Variants in MERTK observed in about 807,000 individuals in gnomAD.
MERTK encodes the protein tyrosine-protein kinase Mer.
A neutral mutation model predicts 99.3 loss-of-function variants in MERTK; 69 were observed. The ratio of observed to expected loss-of-function variants is 0.70; its 90% CI spans 0.57 to 0.85. The LOEUF is 0.85. Ranked by LOEUF, MERTK falls within the 40% of genes least tolerant of loss-of-function variation. The pLI is 0.00. For missense variants in MERTK, 1,125 were observed against 1,249.4 expected, an observed-to-expected ratio of 0.90 and a Z score of 1.50; for synonymous variants, 426 against 467.6, an observed-to-expected ratio of 0.91 and a Z score of 1.15.
Position 112,021,504 on chromosome 2 carries a change from C to T in MERTK, c.2272C>T (p.Arg758Cys), listed in dbSNP as rs200576584. The T allele has an allele frequency of 5.5e-5, 89 of 1,613,918 alleles. No homozygotes were observed. Among genetic ancestry groups the T allele is most frequent in the Middle Eastern group, 3.3e-4 (2 of 6,052 alleles). The change falls in exon 17 of 19, where the codon CGC becomes TGC. Residue 758 changes from arginine (R) to cysteine (C), a missense_variant. By Grantham distance (180) the Arg-to-Cys change is radical. Transcript: ENST00000295408. ...CAGTGGCGATTATTACCGCCAAGGCCGCATTGCTAAGATGCCTGTTAAATG... is the reference window on the plus strand; with the variant it reads ...CAGTGGCGATTATTACCGCCAAGGCTGCATTGCTAAGATGCCTGTTAAATG... ...IYSGDYYRQG[R>C]IAKMPVKWIA... is the part of the protein sequence containing the mutation.
At chr2:111,922,399 G>T (rs950004625) in intron 1 of MERTK, among the ~76,000 whole-genome samples, 1 of 152,228 alleles carries the variant, frequency 6.6e-6, no homozygotes, top group Non-Finnish European at 1.5e-5. Context: ...ATGCCTTAGA[G>T]CTAAGAGCCC....
At chr2:111,963,776 A>T (rs542438019) in intron 4 of MERTK, among the ~76,000 whole-genome samples, 2 of 151,966 alleles carry the variant, frequency 1.3e-5, no homozygotes, top group Non-Finnish European at 2.9e-5. Flanking sequence ...ACACAGACAC[A>T]GTAACAATCT....
chr2:111,910,166 G>A (rs1432537497), intron 1 of MERTK, among the ~76,000 whole-genome samples: 1 of 152,190 alleles, frequency 6.6e-6, no homozygotes, highest in Non-Finnish European at 1.5e-5. Context: ...TCAGCAGGCT[G>A]AGGTGGGAGG....
intron 6 of MERTK, among the ~76,000 whole-genome samples, chr2:111,974,470 A>G (rs1475198775): frequency 6.6e-6 from 1 of 151,936 alleles, no homozygotes; most frequent in African/African-American, 2.4e-5. Flanking sequence ...TTACATAATA[A>G]AAAGAAAGAT....
chr2:112,029,317 ATAAC>A lies in MERTK; in HGVS notation c.*455_*458del. 1.1e-6 allele frequency: 1 copy of A among 949,486 alleles called. No individual in the cohort carries two copies. The highest frequency in any genetic ancestry group is 1.3e-6 in the Non-Finnish European group (1 of 796,086). The allele number at this position is 949,486 out of a possible 1,614,324, so 58.8% of individuals were successfully genotyped here. On this transcript the variant is annotated 3_prime_UTR_variant, in exon 19 of 19. Coordinates refer to ENST00000295408, the MANE Select transcript of MERTK (RefSeq NM_006343.3). ...TGATTCATTCAATGTTTAAAGTTGTATAACTGATTAATTTTCTGATATGGCTTCC... is the reference window on the plus strand; with the variant it reads ...TGATTCATTCAATGTTTAAAGTTGTATGATTAATTTTCTGATATGGCTTCC...
rs555226370 is a variant in MERTK, at chr2:112,021,296, C to T, written c.2190-126C>T. On this transcript the variant is annotated intron_variant, in intron 16 of 18. Transcript: ENST00000295408. ...CATTGGTCCCAATGCAGCATGCTCA[C>T]AGGCTGGTGGTGTCTCTGTGTTCTT... 25 of 1,380,378 alleles carry T rather than the reference C, an allele frequency of 1.8e-5. No individual in the cohort carries two copies. The Admixed American group carries it at 3.3e-4, about 18-fold the overall frequency. The allele number at this position is 1,380,378 out of a possible 1,614,324, so 85.5% of individuals were successfully genotyped here. A position where few individuals can be genotyped will look rare whatever the true frequency, so the allele number is the denominator to read the frequency against.
intron 4 of MERTK, among the ~76,000 whole-genome samples, chr2:111,958,073 A>G (rs1389787340): frequency 1.3e-5 from 2 of 152,188 alleles, no homozygotes; most frequent in Non-Finnish European, 2.9e-5. Context: ...GTGAACCATC[A>G]TAATGGAGTT....
intron 17 of MERTK, among the ~76,000 whole-genome samples, 198 bp from the exon 18 acceptor site, chr2:112,022,060 C>A (rs957065469): frequency 6.6e-6 from 1 of 152,160 alleles, no homozygotes; most frequent in African/African-American, 2.4e-5. Flanking sequence ...TTTCCCAGAA[C>A]AGCTTTTGTA....
At chr2:111,937,763 G>A (rs1684789574) in intron 2 of MERTK, among the ~76,000 whole-genome samples, 1 of 152,170 alleles carries the variant, frequency 6.6e-6, no homozygotes, top group South Asian at 2.1e-4. Flanking sequence ...TTTCTGACTT[G>A]CGACCTGTTC....
intron 8 of MERTK, among the ~76,000 whole-genome samples, chr2:111,987,520 A>G (rs917505890): frequency 6.6e-6 from 1 of 152,156 alleles, no homozygotes; most frequent in Non-Finnish European, 1.5e-5. Context: ...CTTGCTTTGT[A>G]GGCATTTGTG....
At chr2:111,995,463 T>C (rs1676715556) in intron 9 of MERTK, 1 of 188,422 alleles carries the variant, frequency 5.3e-6, no homozygotes, top group South Asian at 1.4e-4. Flanking sequence ...TTGTACCCAA[T>C]AGCAGACAGA....
intron 4 of MERTK, among the ~76,000 whole-genome samples, chr2:111,948,254 G>A (rs1029786421): frequency 3.9e-5 from 6 of 152,180 alleles, no homozygotes; most frequent in South Asian, 2.1e-4. Context: ...AGGACACAGC[G>A]TGGACTTTTG....
At chr2:111,968,097 T>TTGTG (rs759853912) in intron 5 of MERTK, 40 bp from the exon 6 acceptor site, 16 of 799,950 alleles carry the variant, frequency 2.0e-5, no homozygotes, top group African/African-American at 1.1e-4. Flanking sequence ...ATAATTGTGT[T>TTGTG]TGTGTGTGTA....
chr2:112,022,488 G>C (rs1677373636), intron 18 of MERTK, 94 bp downstream of exon 18: 2 of 1,578,278 alleles, frequency 1.3e-6, no homozygotes, highest in Non-Finnish European at 1.7e-6. Flanking sequence ...GGAGGGGAAA[G>C]GGACTGCTGT....
At chr2:111,899,321 G>C (rs1373587680) in intron 1 of MERTK, among the ~76,000 whole-genome samples, 1 of 150,354 alleles carries the variant, frequency 6.7e-6, no homozygotes, top group Non-Finnish European at 1.5e-5. Context: ...CTGAGGCCGA[G>C]CGACGGGCCA....
chr2:112,022,386 G>A lies in MERTK; in HGVS notation c.2478G>A (p.Leu826=). 1.2e-6 allele frequency: 2 copies of A among 1,614,204 alleles called. No individual in the cohort carries two copies. The highest frequency in any genetic ancestry group is 1.7e-6 in the Non-Finnish European group (2 of 1,180,034). ...GHRLKQPEDC[L]DELYEIMYSC... ...GGTTGAAGCAGCCCGAAGACTGCCT[G>A]GATGAACTGTGAGTGGGCTTCTCTG... Residue 826 remains leucine, a synonymous_variant, in exon 18 of 19, where the codon CTG becomes CTA. Coordinates refer to ENST00000295408, the MANE Select transcript of MERTK (RefSeq NM_006343.3).
At chr2:112,023,745 TATA>T (rs1481765223) in intron 18 of MERTK, among the ~76,000 whole-genome samples, 1 of 152,170 alleles carries the variant, frequency 6.6e-6, no homozygotes. Context: ...CTCCTCCCTG[TATA>T]ATAAGGGCCA....
chr2:111,902,364 C>T (rs568711089), intron 1 of MERTK, among the ~76,000 whole-genome samples: 31 of 152,304 alleles, frequency 2.0e-4, no homozygotes, highest in African/African-American at 7.0e-4. Flanking sequence ...GTGAAACAGT[C>T]GCTTTCCATA....
chr2:111,968,389 G>A (rs912456711), intron 6 of MERTK, 137 bp downstream of exon 6: 1 of 725,616 alleles, frequency 1.4e-6, no homozygotes, highest in Non-Finnish European at 2.5e-6. Flanking sequence ...CTGCTTCAGT[G>A]TCCAGCATGC....
Sources: allele counts gnomAD v4.1 joint callset (sites outside exome capture counted in the v4.1 genomes callset), GRCh38; gene constraint gnomAD v4.1.1; transcripts MANE v1.5; gene names NCBI Gene and HGNC (gene_info 2026-07-23, HGNC 2026-07-21).